Variants in BLTP3B observed in about 807,000 individuals in gnomAD.
BLTP3B encodes bridge-like lipid transfer protein family member 3B, also known as UHRF1 (ICBP90) binding protein 1-like.
the BLTP3B span, chr12:100,058,153 T>C: frequency 2.5e-6 from 4 of 1,613,412 alleles, no homozygotes; most frequent in Non-Finnish European, 3.4e-6. Context: ...GACTCTATGG[T>C]TTCATTTCCT....
the BLTP3B span, among the ~76,000 whole-genome samples, chr12:100,135,515 C>T: frequency 1.7e-4 from 26 of 152,004 alleles, no homozygotes; most frequent in African/African-American, 5.1e-4. Context: ...GTGATCTGCC[C>T]GCCTCAGCCT....
the BLTP3B span, among the ~76,000 whole-genome samples, chr12:100,139,604 G>C: frequency 1.7e-3 from 258 of 152,212 alleles, 1 homozygote; most frequent in African/African-American, 5.7e-3. Flanking sequence ...AAGCCACAGG[G>C]AAACTGGTCA....
the BLTP3B span, among the ~76,000 whole-genome samples, chr12:100,126,074 T>C: frequency 6.6e-6 from 1 of 152,162 alleles, no homozygotes; most frequent in African/African-American, 2.4e-5. Flanking sequence ...GAGAACAGCC[T>C]GGGCAAAAGA....
the BLTP3B span, among the ~76,000 whole-genome samples, chr12:100,073,406 G>A: frequency 6.7e-6 from 1 of 149,702 alleles, no homozygotes. Context: ...CGCCATGTTG[G>A]CCAGGCTGGT....
chr12:100,125,545 G>A, the BLTP3B span, among the ~76,000 whole-genome samples: 1 of 152,156 alleles, frequency 6.6e-6, no homozygotes, highest in South Asian at 2.1e-4. Context: ...CTACTTGGGA[G>A]GGTAAGGCAG....
the BLTP3B span, among the ~76,000 whole-genome samples, chr12:100,106,098 C>A: frequency 2.0e-5 from 3 of 152,162 alleles, no homozygotes. Context: ...TGCTTATACA[C>A]TGCTGGTAGG....
chr12:100,122,752 T>G, the BLTP3B span, among the ~76,000 whole-genome samples: 1 of 152,164 alleles, frequency 6.6e-6, no homozygotes, highest in Non-Finnish European at 1.5e-5. Flanking sequence ...GTCCCATCCC[T>G]GCTGAAAACT....
At chr12:100,119,240 T>C in the BLTP3B span, among the ~76,000 whole-genome samples, 1 of 152,088 alleles carries the variant, frequency 6.6e-6, no homozygotes, top group South Asian at 2.1e-4. Context: ...TGTCAAAAGG[T>C]GTGCAAGACC....
At chr12:100,111,277 A>ATTTTTTTTT in the BLTP3B span, among the ~76,000 whole-genome samples, 30 of 94,774 alleles carry the variant, frequency 3.2e-4, no homozygotes, top group East Asian at 7.4e-4. Context: ...GGGGTTTTAG[A>ATTTTTTTTT]TTTTTTTTTT....
the BLTP3B span, chr12:100,060,051 G>A: frequency 4.1e-5 from 64 of 1,549,406 alleles, no homozygotes; most frequent in Middle Eastern, 1.7e-4. Context: ...GAACTGTGGA[G>A]ACAAGATGTT....
the BLTP3B span, chr12:100,072,852 A>G: frequency 1.9e-6 from 3 of 1,552,968 alleles, no homozygotes; most frequent in Non-Finnish European, 2.6e-6. Flanking sequence ...CACACTGAAT[A>G]AAAACCTTTC....
chr12:100,109,207 TCTCTC>T, the BLTP3B span, among the ~76,000 whole-genome samples: 1 of 127,746 alleles, frequency 7.8e-6, no homozygotes, highest in African/African-American at 3.1e-5. Context: ...TCTCTCTCTC[TCTCTC>T]TCCTGCCACC....
chr12:100,049,887 C>T, the BLTP3B span, among the ~76,000 whole-genome samples: 7 of 152,070 alleles, frequency 4.6e-5, no homozygotes, highest in Non-Finnish European at 1.0e-4. Flanking sequence ...GGAATAATTT[C>T]AAACAAAATG....
the BLTP3B span, among the ~76,000 whole-genome samples, chr12:100,104,331 G>A: frequency 3.3e-5 from 5 of 150,102 alleles, no homozygotes; most frequent in African/African-American, 7.4e-5. Context: ...CAGCCTCCCA[G>A]TAGCTGAGAT....
the BLTP3B span, chr12:100,039,559 A>G: frequency 6.4e-7 from 1 of 1,552,838 alleles, no homozygotes; most frequent in South Asian, 1.2e-5. Context: ...TAGTTATTTA[A>G]TTGCTGAAGC....
At chr12:100,051,030 A>C in the BLTP3B span, 1 of 1,597,534 alleles carries the variant, frequency 6.3e-7, no homozygotes, top group Middle Eastern at 1.7e-4. Context: ...AATATGAAAT[A>C]AAGTTGGTGG....
the BLTP3B span, among the ~76,000 whole-genome samples, chr12:100,094,517 C>T: frequency 6.6e-6 from 1 of 152,142 alleles, no homozygotes; most frequent in African/African-American, 2.4e-5. Context: ...ACCCCTGCAC[C>T]TTAGGAAATA....
the BLTP3B span, chr12:100,103,832 A>C: frequency 1.3e-5 from 16 of 1,218,794 alleles, no homozygotes; most frequent in Non-Finnish European, 1.8e-5. Flanking sequence ...TATTTCCATG[A>C]AACAAAAGAT....
At chr12:100,087,792 T>C in the BLTP3B span, among the ~76,000 whole-genome samples, 1 of 152,252 alleles carries the variant, frequency 6.6e-6, no homozygotes, top group South Asian at 2.1e-4. Context: ...TATCAGGGAA[T>C]AGTGAGGAAT....
Sources: gnomAD v4.1 joint callset for allele counts (sites outside exome capture counted in the v4.1 genomes callset) on GRCh38, gnomAD v4.1.1 for gene constraint, MANE v1.5 for transcripts, NCBI Gene and HGNC (gene_info 2026-07-23, HGNC 2026-07-21) for gene names.